The following LRMDA variants were observed in gnomAD, a reference collection of about 807,000 sequenced individuals.
LRMDA encodes the protein leucine rich melanocyte differentiation associated, also known as leucine-rich melanocyte differentiation-associated protein.
A neutral mutation model predicts 29.8 loss-of-function variants in LRMDA; 18 were observed. The ratio of observed to expected loss-of-function variants is 0.60; its 90% confidence interval spans 0.42 to 0.90. The LOEUF (loss-of-function observed/expected upper bound fraction) is 0.90. LRMDA is among the 40% of genes least tolerant of loss of function. The pLI is 0.00. For synonymous variants in LRMDA, 125 were observed against 109.4 expected (o/e 1.14, Z -0.89); for missense variants, 273 against 273.9 (o/e 1.00, Z 0.02).
At chr10:76,021,482 G>A (rs1014579040) in intron 2 of LRMDA, among the ~76,000 whole-genome samples, 1 of 152,194 alleles carries the variant, frequency 6.6e-6, no homozygotes, top group African/African-American at 2.4e-5. Context: ...GACAACCCAT[G>A]GTGATCCTAA....
At chr10:75,460,114 C>G (rs1291810034) in intron 2 of LRMDA, among the ~76,000 whole-genome samples, 1 of 152,150 alleles carries the variant, frequency 6.6e-6, no homozygotes, top group Non-Finnish European at 1.5e-5. Context: ...ATTTAAATGT[C>G]AATACACTCA....
At chr10:76,198,355 G>A (rs1020635377) in intron 5 of LRMDA, among the ~76,000 whole-genome samples, 5 of 152,236 alleles carry the variant, frequency 3.3e-5, no homozygotes, top group African/African-American at 4.8e-5. Context: ...CCAGTGGGCC[G>A]CACTTTGAGG....
chr10:75,751,044 G>A (rs1451211084), intron 2 of LRMDA, among the ~76,000 whole-genome samples: 1 of 152,338 alleles, frequency 6.6e-6, no homozygotes, highest in South Asian at 2.1e-4. Context: ...CTGAGTGAGC[G>A]AGACTCCGTC....
chr10:75,864,408 C>T (rs945423268), intron 2 of LRMDA, among the ~76,000 whole-genome samples: 1 of 152,166 alleles, frequency 6.6e-6, no homozygotes, highest in Non-Finnish European at 1.5e-5. Context: ...CTAACCCTTC[C>T]CAAGACACAG....
chr10:76,281,054 G>T (rs980257681), intron 5 of LRMDA, among the ~76,000 whole-genome samples: 2 of 152,344 alleles, frequency 1.3e-5, no homozygotes, highest in Admixed American at 6.5e-5. Flanking sequence ...CCAAATGGTT[G>T]TCTGGCATCT....
chr10:76,372,400 A>G lies in LRMDA; in HGVS notation c.601+47915A>G, dbSNP rs531252917. On this transcript the variant is annotated intron_variant, in intron 6 of 6. Transcript: ENST00000611255. ...GGCTGAGCGGGGCAGATCATCTGAGATCAGGAGTTTGAGACCAGCTTGGCC... is the reference window on the plus strand; with the variant it reads ...GGCTGAGCGGGGCAGATCATCTGAGGTCAGGAGTTTGAGACCAGCTTGGCC... Among the ~76,000 whole-genome samples the G allele has an allele frequency of 3.1e-3, 473 of 152,074 alleles. 4 individuals are homozygous for G. Among genetic ancestry groups the G allele is most frequent in the African/African-American group, 0.011 (443 of 41,510 alleles).
intron 5 of LRMDA, among the ~76,000 whole-genome samples, chr10:76,137,526 A>G (rs1850117601): frequency 6.6e-6 from 1 of 152,166 alleles, no homozygotes; most frequent in Admixed American, 6.5e-5. Flanking sequence ...TTACTTGATC[A>G]AATTTTCCAC....
intron 2 of LRMDA, among the ~76,000 whole-genome samples, chr10:75,632,452 A>G (rs1841335720): frequency 6.6e-6 from 1 of 152,118 alleles, no homozygotes. Flanking sequence ...GGACTTTGAA[A>G]TTTACCATCT....
intron 2 of LRMDA, among the ~76,000 whole-genome samples, chr10:75,580,472 C>T (rs1338833885): frequency 6.6e-6 from 1 of 152,168 alleles, no homozygotes; most frequent in African/African-American, 2.4e-5. Context: ...GAATCAATAT[C>T]ATGAAAATGG....
At chr10:75,697,941 C>T (rs753055398) in intron 2 of LRMDA, among the ~76,000 whole-genome samples, 4 of 152,096 alleles carry the variant, frequency 2.6e-5, no homozygotes, top group Non-Finnish European at 5.9e-5. Context: ...TGCTTTTGCT[C>T]ACATGTTGGT....
At chr10:75,901,338 AT>A (rs1198954157) in intron 2 of LRMDA, among the ~76,000 whole-genome samples, 1 of 150,790 alleles carries the variant, frequency 6.6e-6, no homozygotes, top group East Asian at 1.9e-4. Context: ...AGCTAATTGC[AT>A]TGGTTTCTCC....
At chr10:75,779,789 G>T (rs1843357132) in intron 2 of LRMDA, among the ~76,000 whole-genome samples, 1 of 152,150 alleles carries the variant, frequency 6.6e-6, no homozygotes, top group Non-Finnish European at 1.5e-5. Flanking sequence ...AGACCTCCAA[G>T]GTTGCATGGG....
intron 2 of LRMDA, among the ~76,000 whole-genome samples, chr10:75,759,193 T>G (rs554109406): frequency 6.6e-6 from 1 of 152,348 alleles, no homozygotes; most frequent in South Asian, 2.1e-4. Context: ...CTGCACTATG[T>G]AGTTAAACAG....
chr10:76,327,879 G>A (rs1840855675), intron 6 of LRMDA, among the ~76,000 whole-genome samples: 1 of 152,182 alleles, frequency 6.6e-6, no homozygotes. Flanking sequence ...TAGTCACAAA[G>A]CCTAACTTCT....
intron 6 of LRMDA, among the ~76,000 whole-genome samples, chr10:76,537,085 A>G (rs1489904257): frequency 1.3e-5 from 2 of 152,196 alleles, no homozygotes; most frequent in Admixed American, 1.3e-4. Context: ...TACTATCATC[A>G]TTATTTCCGA....
At position 75,485,390 on chromosome 10, in the gene LRMDA, T is replaced by C. The variant is rs114595417; in HGVS notation, c.131+46896T>C. Reference sequence around the variant, plus strand: ...TTTTAATGATGCCTGGATTTATTTTTAGCACTATTTTCTTTTTCTTTTTTG... The same window carrying C: ...TTTTAATGATGCCTGGATTTATTTTCAGCACTATTTTCTTTTTCTTTTTTG... On this transcript the variant is annotated intron_variant, in intron 2 of 6. Coordinates refer to ENST00000611255, the MANE Select transcript of LRMDA (RefSeq NM_001305581.2). Among the ~76,000 whole-genome samples the C allele has an allele frequency of 7.5e-3, 1,145 of 152,252 alleles. 14 individuals carry two copies. The highest frequency in any genetic ancestry group is 0.026 in the African/African-American group (1,085 of 41,532).
intron 2 of LRMDA, among the ~76,000 whole-genome samples, chr10:75,946,989 TA>T (rs1413327931): frequency 1.3e-5 from 2 of 152,160 alleles, no homozygotes; most frequent in Non-Finnish European, 2.9e-5. Flanking sequence ...TGTAGCTGGT[TA>T]GGGGCAGAGA....
intron 6 of LRMDA, among the ~76,000 whole-genome samples, chr10:76,504,157 T>C (rs1400974623): frequency 6.6e-6 from 1 of 152,038 alleles, no homozygotes; most frequent in Non-Finnish European, 1.5e-5. Context: ...CTTCTTGGTA[T>C]TGATTTCCAT....
chr10:75,775,480 T>G (rs1187064542), intron 2 of LRMDA, among the ~76,000 whole-genome samples: 2 of 152,246 alleles, frequency 1.3e-5, no homozygotes, highest in African/African-American at 4.8e-5. Context: ...TTGCATTGAT[T>G]CTAACAGTGT....
Sources: allele counts gnomAD v4.1 joint callset (sites outside exome capture counted in the v4.1 genomes callset), GRCh38; gene constraint gnomAD v4.1.1; transcripts MANE v1.5; gene names NCBI Gene and HGNC (gene_info 2026-07-23, HGNC 2026-07-21).